The following DACH2 variants were observed in gnomAD, a reference collection of about 807,000 sequenced individuals.
DACH2 encodes the protein dachshund homolog 2.
A neutral mutation model predicts 35.8 loss-of-function variants in DACH2; 17 were observed. The observed-to-expected ratio is 0.48, with a 90% CI of 0.33 to 0.71. DACH2 has a LOEUF of 0.71. Among genes scored for constraint, DACH2 ranks in the 30% least tolerant of loss-of-function variants. DACH2 has a pLI of 0.02. For missense variants in DACH2, 469 were observed against 472.7 expected (o/e 0.99, Z 0.07); for synonymous variants, 195 against 177.3 (o/e 1.10, Z -0.79).
At chrX:86,612,324 G>C (rs188540822) in intron 3 of DACH2, among the ~76,000 whole-genome samples, 1 of 108,455 alleles carries the variant, frequency 9.2e-6, no homozygotes, top group Non-Finnish European at 1.9e-5. Flanking sequence ...TGGTATTGGG[G>C]AAAGGGTCAT....
At chrX:86,753,310 AT>A (rs1378491189) in intron 7 of DACH2, among the ~76,000 whole-genome samples, 2 of 110,991 alleles carry the variant, frequency 1.8e-5, no homozygotes, top group Non-Finnish European at 3.8e-5. Context: ...TTCTGAATGC[AT>A]TTGTTTAGAT....
chrX:86,424,765 C>T (rs186102306), intron 2 of DACH2, among the ~76,000 whole-genome samples: 13 of 111,090 alleles, frequency 1.2e-4, no homozygotes, highest in Non-Finnish European at 1.7e-4. Flanking sequence ...TCCAGAGCTT[C>T]GAGAAAAGGC....
At chrX:86,315,764 C>T (rs755984812) in intron 1 of DACH2, among the ~76,000 whole-genome samples, 29 of 106,309 alleles carry the variant, frequency 2.7e-4, no homozygotes, top group Admixed American at 4.1e-4. Flanking sequence ...CTTGCTCTCA[C>T]GGCCAAGGAA....
intron 4 of DACH2, among the ~76,000 whole-genome samples, chrX:86,691,645 G>A: frequency 9.0e-6 from 1 of 111,439 alleles, no homozygotes. Context: ...AGCATGTGAG[G>A]ACATAGGGGA....
intron 2 of DACH2, among the ~76,000 whole-genome samples, chrX:86,405,984 CACTT>C (rs1201173758): frequency 2.7e-5 from 3 of 111,000 alleles, no homozygotes; most frequent in Non-Finnish European, 5.7e-5. Flanking sequence ...CATGATAACT[CACTT>C]ACTATCATGA....
intron 2 of DACH2, among the ~76,000 whole-genome samples, chrX:86,397,644 G>T (rs377686839): frequency 9.0e-6 from 1 of 111,323 alleles, no homozygotes; most frequent in Non-Finnish European, 1.9e-5. Context: ...ATCTATTGAG[G>T]TAATCATGTG....
intron 3 of DACH2, among the ~76,000 whole-genome samples, chrX:86,616,350 T>A (rs950661858): frequency 8.9e-6 from 1 of 111,763 alleles, no homozygotes; most frequent in Non-Finnish European, 1.9e-5. Context: ...ATCGCCACAT[T>A]GTTTTCCGTA....
chrX:86,275,741 C>T (rs1375548552), intron 1 of DACH2, among the ~76,000 whole-genome samples: 5 of 111,741 alleles, frequency 4.5e-5, no homozygotes, highest in African/African-American at 1.6e-4. Context: ...TCCTTCTACT[C>T]TCTGTATTCA....
rs1302520351 is a variant in DACH2, at chrX:86,400,025, A to G, written c.527+23163A>G. On this transcript the variant is annotated intron_variant, in intron 2 of 11. Coordinates refer to ENST00000373125, the MANE Select transcript of DACH2 (RefSeq NM_053281.3). ...TGTCACTTTCAGGTACACCAATCAG[A>G]TGTAGATTTGGTCTTTTCACATAGT... 7.2e-5 allele frequency among the ~76,000 whole-genome samples: 8 copies of G among 111,670 alleles called. No individual in the cohort carries two copies. In the South Asian group the frequency reaches 2.3e-3, roughly 32 times the overall value.
chrX:86,670,894 C>G (rs2040757280), intron 4 of DACH2, among the ~76,000 whole-genome samples: 1 of 111,646 alleles, frequency 9.0e-6, no homozygotes, highest in Non-Finnish European at 1.9e-5. Context: ...TTAATTTACC[C>G]CTTAGTGAGG....
intron 7 of DACH2, among the ~76,000 whole-genome samples, chrX:86,803,586 C>T (rs1236731423): frequency 2.7e-5 from 3 of 109,814 alleles, no homozygotes; most frequent in Admixed American, 2.0e-4. Context: ...TCTGATGATT[C>T]GAAATCTTAC....
intron 3 of DACH2, among the ~76,000 whole-genome samples, chrX:86,568,373 G>A (rs1488028380): frequency 9.0e-6 from 1 of 110,911 alleles, no homozygotes; most frequent in East Asian, 2.9e-4. Flanking sequence ...GCCTGCAGGG[G>A]TGTTATGATG....
chrX:86,441,047 A>G (rs2037152111), intron 2 of DACH2, among the ~76,000 whole-genome samples: 1 of 110,794 alleles, frequency 9.0e-6, no homozygotes, highest in South Asian at 3.8e-4. Flanking sequence ...CTATAAAACC[A>G]ACCTCTTTAA....
intron 2 of DACH2, among the ~76,000 whole-genome samples, chrX:86,494,165 T>A (rs1322384937): frequency 3.6e-5 from 4 of 112,153 alleles, no homozygotes; most frequent in African/African-American, 1.3e-4. Context: ...AGAAAATAAT[T>A]TAACAAAGTT....
chrX:86,544,983 G>A (rs1602629791), intron 3 of DACH2, among the ~76,000 whole-genome samples: 1 of 111,795 alleles, frequency 8.9e-6, no homozygotes, highest in Non-Finnish European at 1.9e-5. Context: ...TTAGTAGAGA[G>A]GGGGTTTTGC....
intron 1 of DACH2, among the ~76,000 whole-genome samples, chrX:86,296,717 C>A (rs771951960): frequency 9.0e-5 from 10 of 111,018 alleles, no homozygotes; most frequent in African/African-American, 3.3e-4. Flanking sequence ...GATTAAAAAT[C>A]TTTCACAAAA....
chrX:86,279,750 G>T (rs780144537), intron 1 of DACH2, among the ~76,000 whole-genome samples: 8 of 110,301 alleles, frequency 7.3e-5, no homozygotes, highest in South Asian at 3.9e-4. Flanking sequence ...CTAACCCAAT[G>T]CAAGGAAGCT....
At chrX:86,733,759 T>G (rs754862114) in intron 6 of DACH2, among the ~76,000 whole-genome samples, 37 of 111,487 alleles carry the variant, frequency 3.3e-4, no homozygotes, top group African/African-American at 1.1e-3. Flanking sequence ...GTTTCTTGTT[T>G]GGCTGAGCAG....
intron 7 of DACH2, among the ~76,000 whole-genome samples, chrX:86,795,535 A>G (rs866416414): frequency 8.9e-6 from 1 of 112,463 alleles, no homozygotes. Context: ...GCCCGGCCGC[A>G]TGTTCCTTAA....
Sources: allele counts gnomAD v4.1 joint callset (sites outside exome capture counted in the v4.1 genomes callset), GRCh38; gene constraint gnomAD v4.1.1; transcripts MANE v1.5; gene names NCBI Gene and HGNC (gene_info 2026-07-23, HGNC 2026-07-21).